Variants in DST observed in about 807,000 individuals in gnomAD.
DST encodes the protein dystonin.
A neutral mutation model predicts 875.2 loss-of-function variants in DST; 253 were observed. The observed-to-expected ratio is 0.29, with a 90% CI of 0.26 to 0.32. The LOEUF (loss-of-function observed/expected upper bound fraction) is 0.32. Among genes scored for constraint, DST ranks in the 10% least tolerant of loss-of-function variants. The probability of loss-of-function intolerance (pLI) is 1.00; values close to 1 mark genes in which losing one functional copy is unlikely to be tolerated. For synonymous variants in DST, 3,124 were observed against 3,197.1 expected, an observed-to-expected ratio of 0.98 and a Z score of 0.77; for missense variants, 8,287 against 9,111.6, an observed-to-expected ratio of 0.91 and a Z score of 3.68.
chr6:56,552,623 G>A lies in DST; in HGVS notation c.16169C>T (p.Thr5390Ile), dbSNP rs536571445. Residue 5390 changes from threonine (T) to isoleucine (I), a missense_variant, in exon 61 of 104, where the codon ACC becomes ATC. By Grantham distance (89) the Thr-to-Ile change is moderately conservative (BLOSUM62 -1). Around this residue, in one of 10 missense-constraint regions of DST, gnomAD observed 1,513 missense variants for 1,677.8 expected, o/e 0.90. Transcript: ENST00000680361. ...GAACTGAGAAAACATTTCTCGAATG[G>A]TATTCTGGAAATGCCCAATGCCCTG... ...KLQGIGHFQN[T>I]IREMFSQFAE... 5 of 1,613,878 alleles carry A rather than the reference G, an allele frequency of 3.1e-6. No homozygotes were observed. Among genetic ancestry groups the A allele is most frequent in the Admixed American group, 3.3e-5 (2 of 60,012 alleles).
chr6:56,586,163 G>C (rs2152669006), intron 49 of DST, among the ~76,000 whole-genome samples: 1 of 151,946 alleles, frequency 6.6e-6, no homozygotes, highest in Admixed American at 6.6e-5. Flanking sequence ...TTAACTTTCT[G>C]TCTCGTTGAT....
intron 36 of DST, chr6:56,615,785 A>C (rs1443054130): frequency 1.2e-6 from 2 of 1,614,008 alleles, no homozygotes; most frequent in Non-Finnish European, 1.7e-6. Context: ...CCCTCCTGTC[A>C]AGTACTGAAA....
chr6:56,490,985 A>G (rs1396267862), intron 85 of DST, among the ~76,000 whole-genome samples: 1 of 152,248 alleles, frequency 6.6e-6, no homozygotes, highest in Non-Finnish European at 1.5e-5. Flanking sequence ...CTGATATCCA[A>G]GAAACATTTA....
At chr6:56,629,544 G>C in intron 31 of DST, 101 bp from the exon 32 acceptor site, 1 of 887,086 alleles carries the variant, frequency 1.1e-6, no homozygotes, top group African/African-American at 1.7e-5. Context: ...ATGACAGGTA[G>C]AAAATAAGAT....
chr6:56,567,978 T>A (rs1434181461), intron 55 of DST, among the ~76,000 whole-genome samples: 5 of 152,204 alleles, frequency 3.3e-5, no homozygotes, highest in Non-Finnish European at 7.3e-5. Flanking sequence ...ACATACTGCA[T>A]AATTGTTTTC....
intron 72 of DST, 73 bp from the exon 73 acceptor site, chr6:56,511,473 G>T: frequency 7.8e-7 from 1 of 1,284,844 alleles, no homozygotes. Flanking sequence ...CACCTGCAAT[G>T]CATCCAGCTG....
In DST at chr6:56,604,455, T is replaced by C; in HGVS notation, c.10173A>G (p.Lys3391=). ...TTACCAACTGTGATGTGGTAATCCT[T>C]TTAATTAAATTTTGAATTAAAATTT... ...DTKILIQNLI[K]RITTSQLVNE... Residue 3391 remains lysine, a synonymous_variant, in exon 40 of 104, where the codon AAA becomes AAG. Coordinates refer to ENST00000680361, the MANE Select transcript of DST (RefSeq NM_001374736.1). The C allele has an allele frequency of 6.2e-7, 1 of 1,609,608 alleles. No individual in the cohort carries two copies.
chr6:56,867,721 G>GGAGGCT (rs528513149), intron 3 of DST, among the ~76,000 whole-genome samples: 6 of 152,080 alleles, frequency 3.9e-5, no homozygotes, highest in African/African-American at 1.2e-4. Context: ...CAGCTATTCG[G>GGAGGCT]GAGGCTGAGG....
intron 4 of DST, among the ~76,000 whole-genome samples, chr6:56,826,791 T>C (rs1416859041): frequency 6.6e-6 from 1 of 152,220 alleles, no homozygotes; most frequent in Admixed American, 6.5e-5. Context: ...ATAAATATCT[T>C]TGCACTTAAA....
intron 4 of DST, among the ~76,000 whole-genome samples, chr6:56,810,252 G>A (rs907890416): frequency 5.9e-5 from 9 of 152,148 alleles, no homozygotes; most frequent in Non-Finnish European, 1.2e-4. Flanking sequence ...CAAAGCTGCA[G>A]TGAGCTATGA....
At chr6:56,745,316 CA>C (rs1292073611) in intron 4 of DST, among the ~76,000 whole-genome samples, 4 of 152,154 alleles carry the variant, frequency 2.6e-5, no homozygotes, top group Admixed American at 2.6e-4. Flanking sequence ...GTTGTGGCAA[CA>C]AAAGACTCTC....
intron 3 of DST, among the ~76,000 whole-genome samples, chr6:56,896,930 T>C (rs1175675609): frequency 1.3e-5 from 2 of 152,268 alleles, no homozygotes; most frequent in Non-Finnish European, 2.9e-5. Flanking sequence ...TTTACTCTGA[T>C]GACTGTTCCT....
Position 56,592,283 on chromosome 6 carries a change from G to A in DST, c.12802C>T (p.Leu4268Phe). 2 of 1,612,070 alleles carry A rather than the reference G, an allele frequency of 1.2e-6. No individual in the cohort carries two copies. The highest frequency in any genetic ancestry group is 1.1e-5 in the South Asian group (1 of 90,604). The change falls in exon 49 of 104, where the codon CTT (leucine) becomes TTT (phenylalanine). Residue 4268 changes from leucine to phenylalanine, a missense_variant. Physicochemically the swap from Leu to Phe is conservative, Grantham distance 22. Coordinates refer to ENST00000680361, the MANE Select transcript of DST (RefSeq NM_001374736.1). ...GCCTCACAGGCCTGGAGTCCAGCAA[G>A]AAGTCCACATGAAGCATCTTCATAG... The part of the protein sequence containing the change: ...QHYEDASCGL[L>F]AGLQACEATA...
chr6:56,923,463 CAAAAAAAA>C (rs57118743), intron 2 of DST, among the ~76,000 whole-genome samples: 10 of 48,714 alleles, frequency 2.1e-4, no homozygotes, highest in African/African-American at 6.4e-4. Flanking sequence ...GGCTCACTGG[CAAAAAAAA>C]AAAAAAAAAA....
intron 36 of DST, 144 bp downstream of exon 36, chr6:56,624,386 T>G (rs1301229998): frequency 2.8e-6 from 2 of 707,504 alleles, no homozygotes; most frequent in Admixed American, 4.0e-5. Context: ...TCATTGTAAT[T>G]TTATAATTCA....
intron 22 of DST, among the ~76,000 whole-genome samples, 162 bp from the exon 23 acceptor site, chr6:56,636,814 G>A (rs1200270696): frequency 6.6e-6 from 1 of 152,220 alleles, no homozygotes; most frequent in Non-Finnish European, 1.5e-5. Context: ...GGGCATGGTG[G>A]CTCACGCCTG....
At chr6:56,561,841 C>T (rs1197045943) in intron 56 of DST, among the ~76,000 whole-genome samples, 1 of 152,024 alleles carries the variant, frequency 6.6e-6, no homozygotes, top group Non-Finnish European at 1.5e-5. Context: ...GCACCAAACT[C>T]AATAAATTAG....
chr6:56,822,698 G>T (rs1173783917), intron 4 of DST, among the ~76,000 whole-genome samples: 1 of 151,956 alleles, frequency 6.6e-6, no homozygotes, highest in Non-Finnish European at 1.5e-5. Context: ...CCTGTTACCT[G>T]AAGTTGCTAT....
intron 92 of DST, 39 bp downstream of exon 92, chr6:56,476,110 G>A (rs1258518618): frequency 6.6e-7 from 1 of 1,504,702 alleles, no homozygotes; most frequent in Non-Finnish European, 9.0e-7. Flanking sequence ...AAATATCTGA[G>A]ATAATGGTTA....
Sources: gnomAD v4.1 joint callset for allele counts (sites outside exome capture counted in the v4.1 genomes callset) on GRCh38, gnomAD v4.1.1 for gene constraint, gnomAD v4.1.1 regional missense constraint, MANE v1.5 for transcripts, NCBI Gene and HGNC (gene_info 2026-07-23, HGNC 2026-07-21) for gene names.